Variants in NFATC3 observed in about 807,000 individuals in gnomAD.
NFATC3 encodes the protein nuclear factor of activated T cells 3, also known as nuclear factor of activated T-cells, cytoplasmic 3.
In NFATC3, 46 loss-of-function variants were observed where a neutral mutation model predicts 98.6. That is an observed-to-expected ratio of 0.47 (90% CI 0.37 to 0.60). The LOEUF (loss-of-function observed/expected upper bound fraction) is 0.60. Among genes scored for constraint, NFATC3 ranks in the 20% least tolerant of loss-of-function variants. NFATC3 has a pLI of 0.00. For synonymous variants in NFATC3, 512 were observed against 472.2 expected (o/e 1.08, Z -1.09); for missense variants, 1,256 against 1,295.5 (o/e 0.97, Z 0.47).
chr16:68,131,530 G>A (rs1418769960), intron 3 of NFATC3, among the ~76,000 whole-genome samples: 5 of 151,988 alleles, frequency 3.3e-5, no homozygotes, highest in African/African-American at 7.3e-5. Context: ...CACCCACCTC[G>A]GCCTCCCAGA....
At position 68,122,988 on chromosome 16, in the gene NFATC3, C is replaced by T. The variant is rs142644036; in HGVS notation, c.1105C>T (p.Arg369Trp). The change falls in exon 2 of 10, where the codon CGG becomes TGG. Residue 369 changes from arginine to tryptophan, a missense_variant. By Grantham distance (101) the Arg-to-Trp change is moderately radical. Around this residue, in one of 3 missense-constraint regions of NFATC3, gnomAD observed 464 missense variants for 465.7 expected, o/e 1.00. Transcript: ENST00000346183. Reference sequence around the variant, plus strand: ...TGACCAAGGGAGTTTATCACCAGCCCGGGAGACTTCAATAGATGATGGCCT... The same window carrying T: ...TGACCAAGGGAGTTTATCACCAGCCTGGGAGACTTCAATAGATGATGGCCT... ...SDDQGSLSPA[R>W]ETSIDDGLGS... 1.9e-4 allele frequency: 299 copies of T among 1,614,052 alleles called. No homozygotes were observed. Among genetic ancestry groups the T allele is most frequent in the African/African-American group, 2.7e-4 (20 of 75,022 alleles).
intron 1 of NFATC3, among the ~76,000 whole-genome samples, chr16:68,120,075 C>T (rs1474256876): frequency 8.7e-6 from 1 of 115,208 alleles, no homozygotes; most frequent in Non-Finnish European, 1.8e-5. Context: ...CCCAGGAGTT[C>T]AAGATTAGGC....
At chr16:68,119,454 T>C (rs2036459542) in intron 1 of NFATC3, among the ~76,000 whole-genome samples, 1 of 152,158 alleles carries the variant, frequency 6.6e-6, no homozygotes, top group African/African-American at 2.4e-5. Context: ...AAGGCCTTAC[T>C]TGACTAGCCT....
chr16:68,141,596 G>T (rs1377761389), intron 3 of NFATC3, among the ~76,000 whole-genome samples: 8 of 152,066 alleles, frequency 5.3e-5, no homozygotes, highest in Non-Finnish European at 1.5e-5. Context: ...ACGTTTGTGG[G>T]CCATTTGTAT....
chr16:68,209,033 A>T (rs1299294945), intron 9 of NFATC3, among the ~76,000 whole-genome samples: 5 of 152,194 alleles, frequency 3.3e-5, no homozygotes, highest in Non-Finnish European at 7.3e-5. Context: ...GTAGGCTAGT[A>T]GAAGTGGTGA....
chr16:68,180,691 C>T (rs2039915690), intron 6 of NFATC3, among the ~76,000 whole-genome samples: 1 of 152,098 alleles, frequency 6.6e-6, no homozygotes, highest in African/African-American at 2.4e-5. Flanking sequence ...TGATATTCCC[C>T]ATTCCTGTGT....
chr16:68,204,993 CT>C (rs993093946), intron 9 of NFATC3, among the ~76,000 whole-genome samples: 586 of 121,218 alleles, frequency 4.8e-3, no homozygotes, highest in Non-Finnish European at 4.9e-3. Context: ...ATGCCTGGCT[CT>C]TTTTTTTTTT....
Position 68,226,284 on chromosome 16 carries a change from G to C in NFATC3, c.3107-66G>C, listed in dbSNP as rs367832084. 461 of 1,519,150 alleles carry C rather than the reference G, an allele frequency of 3.0e-4. 2 individuals carry two copies. Among genetic ancestry groups the C allele is most frequent in the Non-Finnish European group, 1.2e-4 (141 of 1,140,906 alleles). 94.1% of individuals were successfully genotyped at this position (1,519,150 alleles called of 1,614,324 possible). ...AGGGAAATGTCTGAGGTAGAGCTCA[G>C]CGTTGGGCATCATATGGCTAATCAC... On this transcript the variant is annotated intron_variant, in intron 9 of 9. Transcript: ENST00000346183.
chr16:68,103,193 TTTATTATTA>T (rs945610645), intron 1 of NFATC3, among the ~76,000 whole-genome samples: 1 of 150,794 alleles, frequency 6.6e-6, no homozygotes, highest in Non-Finnish European at 1.5e-5. Flanking sequence ...TTTTTTTTAT[TTTATTATTA>T]TTATTATTAT....
At chr16:68,201,006 A>G (rs559861060) in intron 9 of NFATC3, 1 of 152,126 alleles carries the variant, frequency 6.6e-6, no homozygotes, top group Non-Finnish European at 1.5e-5. Context: ...ATATCAGCTC[A>G]TTGCAACCTC....
chr16:68,160,686 C>A (rs1201047153), intron 4 of NFATC3, among the ~76,000 whole-genome samples: 2 of 148,412 alleles, frequency 1.3e-5, no homozygotes, highest in Admixed American at 1.3e-4. Context: ...ATAATCTCTA[C>A]TCTTAAATTT....
chr16:68,192,211 A>T (rs1318859571), intron 9 of NFATC3: 2 of 9,118 alleles, frequency 2.2e-4, no homozygotes, highest in Non-Finnish European at 4.5e-4. Flanking sequence ...CCGTCTCGGG[A>T]AAAAAAAAAA....
Position 68,197,991 on chromosome 16 carries a change from C to T in NFATC3, c.3106+6216C>T, listed in dbSNP as rs138182179. Among the ~76,000 whole-genome samples the T allele has an allele frequency of 2.6e-5, 4 of 152,192 alleles. No individual in the cohort carries two copies. In the East Asian group the frequency reaches 7.7e-4, roughly 29 times the overall value. On this transcript the variant is annotated intron_variant, in intron 9 of 9. Transcript: ENST00000346183. ...TTTATTATAAATTCAATGACATTTA[C>T]TGGAGAAGATAGTAATGTAACTCAG...
chr16:68,199,776 CAG>C (rs1370694781), intron 9 of NFATC3: 2 of 151,504 alleles, frequency 1.3e-5, no homozygotes. Flanking sequence ...TTAGTAGAGA[CAG>C]GGTCTCACCG....
At chr16:68,192,243 A>ATATATATATATATGTATGTG (rs1567543035) in intron 9 of NFATC3, 27 of 112,674 alleles carry the variant, frequency 2.4e-4, no homozygotes, top group African/African-American at 7.6e-4. Context: ...ATATATATAT[A>ATATATATATATATGTATGTG]TATATATATA....
chr16:68,195,534 C>G (rs778621057), intron 9 of NFATC3, among the ~76,000 whole-genome samples: 2 of 151,770 alleles, frequency 1.3e-5, no homozygotes, highest in African/African-American at 4.8e-5. Flanking sequence ...ACAGGCTGGG[C>G]GCAGTGGCTC....
chr16:68,188,031 C>T (rs1171894734), intron 8 of NFATC3, among the ~76,000 whole-genome samples: 2 of 152,196 alleles, frequency 1.3e-5, no homozygotes, highest in African/African-American at 2.4e-5. Context: ...CCCTCCCATG[C>T]TCATCAGTGC....
At chr16:68,102,350 T>C (rs531530302) in intron 1 of NFATC3, among the ~76,000 whole-genome samples, 1 of 118,808 alleles carries the variant, frequency 8.4e-6, no homozygotes, top group Non-Finnish European at 1.6e-5. Flanking sequence ...CCAGCCCTGG[T>C]GACAGTGTGA....
intron 1 of NFATC3, among the ~76,000 whole-genome samples, chr16:68,103,712 AT>A (rs767663383): frequency 6.6e-6 from 1 of 152,086 alleles, no homozygotes; most frequent in Non-Finnish European, 1.5e-5. Flanking sequence ...TTTTGAGTTA[AT>A]TTTTGTATAT....
Sources: gnomAD v4.1 joint callset for allele counts (sites outside exome capture counted in the v4.1 genomes callset) on GRCh38, gnomAD v4.1.1 for gene constraint, gnomAD v4.1.1 regional missense constraint, MANE v1.5 for transcripts, NCBI Gene and HGNC (gene_info 2026-07-23, HGNC 2026-07-21) for gene names.